ROBO2: variants seen among roughly 807,000 people sequenced by gnomAD.
The protein encoded by ROBO2 is roundabout guidance receptor 2, also known as roundabout homolog 2.
In ROBO2, 53 loss-of-function variants were observed where a neutral mutation model predicts 160.8. The observed-to-expected ratio is 0.33, with a 90% confidence interval of 0.26 to 0.41. The LOEUF (loss-of-function observed/expected upper bound fraction) is 0.41. Among genes scored for constraint, ROBO2 ranks in the 10% least tolerant of loss-of-function variants. The pLI, the probability that ROBO2 is intolerant of heterozygous loss-of-function variation, is 1.00. For synonymous variants in ROBO2, 664 were observed against 611.7 expected (o/e 1.09, Z -1.26); for missense variants, 1,577 against 1,722.4 (o/e 0.92, Z 1.49).
At chr3:76,502,949 T>C (rs2080551668) in intron 2 of ROBO2, among the ~76,000 whole-genome samples, 1 of 152,104 alleles carries the variant, frequency 6.6e-6, no homozygotes, top group Non-Finnish European at 1.5e-5. Flanking sequence ...AACAACCATG[T>C]AGTAGTCAGG....
chr3:76,543,326 T>C (rs2082914848), intron 2 of ROBO2, among the ~76,000 whole-genome samples: 1 of 152,114 alleles, frequency 6.6e-6, no homozygotes, highest in Non-Finnish European at 1.5e-5. Flanking sequence ...GATGGGACTC[T>C]AATCCAATAA....
chr3:77,197,372 A>C (rs1017140667), intron 2 of ROBO2, among the ~76,000 whole-genome samples: 1 of 152,248 alleles, frequency 6.6e-6, no homozygotes, highest in Non-Finnish European at 1.5e-5. Flanking sequence ...TCTGGAGTTC[A>C]TCTTAACTGG....
intron 2 of ROBO2, among the ~76,000 whole-genome samples, chr3:77,204,641 C>T (rs2083244868): frequency 6.6e-6 from 1 of 152,092 alleles, no homozygotes; most frequent in South Asian, 2.1e-4. Context: ...CTAGAATATG[C>T]AATTTTCATC....
intron 2 of ROBO2, among the ~76,000 whole-genome samples, chr3:76,079,636 G>A (rs1021805356): frequency 1.3e-4 from 19 of 151,756 alleles, no homozygotes; most frequent in Admixed American, 5.3e-4. Context: ...GGCGCATGCC[G>A]CCACACCCGG....
chr3:76,782,736 T>C (rs2062728525), intron 2 of ROBO2, among the ~76,000 whole-genome samples: 1 of 150,740 alleles, frequency 6.6e-6, no homozygotes, highest in Non-Finnish European at 1.5e-5. Flanking sequence ...AGAATATCTT[T>C]TTTCATCCAC....
At chr3:76,079,830 C>A (rs997745739) in intron 2 of ROBO2, among the ~76,000 whole-genome samples, 1 of 151,386 alleles carries the variant, frequency 6.6e-6, no homozygotes, top group Non-Finnish European at 1.5e-5. Flanking sequence ...CTAACAACAA[C>A]AACAACAAAG....
intron 6 of ROBO2, among the ~76,000 whole-genome samples, chr3:77,546,088 G>A (rs910292479): frequency 6.6e-6 from 1 of 152,086 alleles, no homozygotes; most frequent in African/African-American, 2.4e-5. Flanking sequence ...TTCTATGCAA[G>A]TATATGTAGG....
At chr3:76,961,820 T>C (rs2079684685) in intron 2 of ROBO2, among the ~76,000 whole-genome samples, 1 of 152,206 alleles carries the variant, frequency 6.6e-6, no homozygotes, top group Non-Finnish European at 1.5e-5. Context: ...TTGGTATTAA[T>C]GAAATTCAGT....
At chr3:77,423,738 C>A (rs2077925285) in intron 2 of ROBO2, among the ~76,000 whole-genome samples, 1 of 152,128 alleles carries the variant, frequency 6.6e-6, no homozygotes, top group Admixed American at 6.5e-5. Context: ...TAAAATAATT[C>A]AATGTGTGGA....
intron 2 of ROBO2, among the ~76,000 whole-genome samples, chr3:77,312,425 AG>A (rs1277019186): frequency 6.6e-6 from 1 of 152,228 alleles, no homozygotes; most frequent in African/African-American, 2.4e-5. Flanking sequence ...GTTCATTTAA[AG>A]AAACAGAAAA....
At chr3:76,488,466 G>A (rs770394001) in intron 2 of ROBO2, among the ~76,000 whole-genome samples, 5 of 152,054 alleles carry the variant, frequency 3.3e-5, no homozygotes, top group East Asian at 1.9e-4. Context: ...AAGACCTGCC[G>A]TTGCCTGCCG....
intron 2 of ROBO2, among the ~76,000 whole-genome samples, chr3:77,367,011 A>C (rs1012889996): frequency 4.6e-5 from 7 of 152,076 alleles, no homozygotes; most frequent in Non-Finnish European, 7.4e-5. Flanking sequence ...GAGGATAAAC[A>C]TTCAAATTGT....
chr3:76,855,984 C>T (rs2070025514), intron 2 of ROBO2, among the ~76,000 whole-genome samples: 1 of 152,148 alleles, frequency 6.6e-6, no homozygotes, highest in African/African-American at 2.4e-5. Flanking sequence ...ATTCCCTATG[C>T]CGAATATATG....
At chr3:77,086,801 A>T (rs1030854997) in intron 1 of ROBO2, among the ~76,000 whole-genome samples, 3 of 152,152 alleles carry the variant, frequency 2.0e-5, no homozygotes, top group African/African-American at 4.8e-5. Flanking sequence ...CCTTTAAGAA[A>T]CTATTGGATT....
intron 2 of ROBO2, among the ~76,000 whole-genome samples, chr3:75,990,624 T>G (rs1438728616): frequency 5.9e-5 from 9 of 152,248 alleles, no homozygotes; most frequent in African/African-American, 2.2e-4. Context: ...TAATTTAATT[T>G]TGAGCTTAAA....
At chr3:76,229,613 T>C (rs1356579669) in intron 2 of ROBO2, among the ~76,000 whole-genome samples, 1 of 152,208 alleles carries the variant, frequency 6.6e-6, no homozygotes, top group Non-Finnish European at 1.5e-5. Context: ...ATGTATCTCA[T>C]ATAAAGCCAT....
intron 2 of ROBO2, among the ~76,000 whole-genome samples, chr3:75,950,913 T>C (rs375239171): frequency 6.6e-6 from 1 of 152,124 alleles, no homozygotes; most frequent in East Asian, 1.9e-4. Context: ...ACTGCAACCC[T>C]AAACTGAAAT....
chr3:76,478,274 C>T (rs1224328951), intron 2 of ROBO2, among the ~76,000 whole-genome samples: 5 of 146,164 alleles, frequency 3.4e-5, no homozygotes, highest in African/African-American at 7.6e-5. Context: ...TGAGAATATG[C>T]GGTGTTTGCT....
rs914744586 is a variant in ROBO2 at position 75,972,675 on chromosome 3, G to T, written c.109+35073G>T. Among the ~76,000 whole-genome samples the T allele has an allele frequency of 2.0e-5, 3 of 151,662 alleles. No individual in the cohort carries two copies. In the South Asian group the frequency reaches 6.2e-4, roughly 31 times the overall value. On this transcript the variant is annotated intron_variant, in intron 2 of 26. Coordinates refer to the ROBO2 transcript ENST00000487694. ...TTCTCAAAGAGTGGTCTTTGAACCA[G>T]CAACATCAGTATTACATTGAGACAT...
Sources: gnomAD v4.1 joint callset for allele counts (sites outside exome capture counted in the v4.1 genomes callset) on GRCh38, gnomAD v4.1.1 for gene constraint, MANE v1.5 for transcripts, NCBI Gene and HGNC (gene_info 2026-07-23, HGNC 2026-07-21) for gene names.